Variants in DNAJC3 observed in about 807,000 individuals in gnomAD.
The protein encoded by DNAJC3 is DnaJ heat shock protein family (Hsp40) member C3, also known as dnaJ homolog subfamily C member 3.
A neutral mutation model predicts 68.6 loss-of-function variants in DNAJC3; 38 were observed. The observed-to-expected ratio is 0.55, with a 90% CI of 0.43 to 0.73. The LOEUF is 0.73. Among genes scored for constraint, DNAJC3 ranks in the 30% least tolerant of loss-of-function variants. The probability of loss-of-function intolerance (pLI) is 0.00; values close to 1 mark genes in which losing one functional copy is unlikely to be tolerated. For missense variants in DNAJC3, 526 were observed against 591.9 expected (o/e 0.89, Z 1.16); for synonymous variants, 203 against 204.0 (o/e 1.00, Z 0.04).
At chr13:95,743,712 C>G (rs1882218998) in intron 4 of DNAJC3, among the ~76,000 whole-genome samples, 1 of 152,076 alleles carries the variant, frequency 6.6e-6, no homozygotes, top group African/African-American at 2.4e-5. Context: ...TGCCCGCTAC[C>G]ACACCCAGCT....
intron 2 of DNAJC3, among the ~76,000 whole-genome samples, chr13:95,714,038 G>A (rs776087023): frequency 2.0e-5 from 3 of 152,262 alleles, no homozygotes; most frequent in African/African-American, 2.4e-5. Flanking sequence ...AACTTCTATC[G>A]TATGTACTCT....
intron 4 of DNAJC3, among the ~76,000 whole-genome samples, chr13:95,753,278 C>T (rs1882540400): frequency 6.6e-6 from 1 of 152,112 alleles, no homozygotes; most frequent in Non-Finnish European, 1.5e-5. Context: ...TCGCTCACCC[C>T]CTGACTTGTA....
chr13:95,749,085 C>T (rs1295852529), intron 4 of DNAJC3, among the ~76,000 whole-genome samples: 1 of 152,198 alleles, frequency 6.6e-6, no homozygotes. Flanking sequence ...AGAATAAATG[C>T]TGCCAATTAA....
Position 95,773,731 on chromosome 13 carries a change from C to CTTT in DNAJC3, c.1075+9800_1075+9802dup, listed in dbSNP as rs143145399. On this transcript the variant is annotated intron_variant, in intron 9 of 11. Transcript: ENST00000602402. Reference sequence around the variant, plus strand: ...ACAAAGTTTGGTCAATTTTGTTGGTCTTTTTTTTTTTTTTTTTTTTTTTTG... The same window carrying CTTT: ...ACAAAGTTTGGTCAATTTTGTTGGTCTTTTTTTTTTTTTTTTTTTTTTTTTTTG... Among the ~76,000 whole-genome samples the CTTT allele has an allele frequency of 3.1e-3, 219 of 71,316 alleles. 2 individuals carry two copies. The highest frequency in any genetic ancestry group is 5.3e-3 in the African/African-American group (93 of 17,442). The allele number at this position is 71,316 out of a possible 152,430, so 46.8% of individuals were successfully genotyped here.
intron 5 of DNAJC3, among the ~76,000 whole-genome samples, chr13:95,759,464 A>G (rs1424068944): frequency 1.3e-5 from 2 of 152,118 alleles, no homozygotes; most frequent in African/African-American, 2.4e-5. Context: ...GGTGTGTTCC[A>G]CCACACCCAG....
chr13:95,711,716 C>T (rs1009195273), intron 2 of DNAJC3, among the ~76,000 whole-genome samples: 3 of 151,836 alleles, frequency 2.0e-5, no homozygotes, highest in Non-Finnish European at 4.4e-5. Context: ...ATACATAAAA[C>T]AAAAATTGAC....
At position 95,760,048 on chromosome 13, in the gene DNAJC3, T is replaced by C. The variant is rs762360409; in HGVS notation, c.555T>C (p.Val185=). 18 of 1,597,474 alleles carry C rather than the reference T, an allele frequency of 1.1e-5. No homozygotes were observed. The South Asian group carries it at 1.9e-4, about 17-fold the overall frequency. Residue 185 remains valine (V), a synonymous_variant, in exon 6 of 12, where the codon GTT becomes GTC. Coordinates refer to ENST00000602402, the MANE Select transcript of DNAJC3 (RefSeq NM_006260.5). ...AFLDKILEVC[V]WDAELRELRA... ...TTCTTTTGTTCCTCAAGGTTTGTGTTTGGGATGCAGAACTACGGGAACTTC... is the reference window on the plus strand; with the variant it reads ...TTCTTTTGTTCCTCAAGGTTTGTGTCTGGGATGCAGAACTACGGGAACTTC...
chr13:95,721,154 C>T (rs1195251824), intron 2 of DNAJC3, among the ~76,000 whole-genome samples: 2 of 152,138 alleles, frequency 1.3e-5, no homozygotes, highest in African/African-American at 4.8e-5. Context: ...TGAAATCATA[C>T]AGTATTTTCC....
intron 1 of DNAJC3, among the ~76,000 whole-genome samples, chr13:95,678,393 A>G (rs1594764339): frequency 1.3e-5 from 2 of 152,236 alleles, no homozygotes; most frequent in Admixed American, 1.3e-4. Flanking sequence ...AGTACTCCCC[A>G]GTTTTTAGGT....
chr13:95,743,966 A>G (rs1160342109), intron 4 of DNAJC3, among the ~76,000 whole-genome samples: 1 of 152,162 alleles, frequency 6.6e-6, no homozygotes, highest in Admixed American at 6.5e-5. Flanking sequence ...GTCTTTCCAT[A>G]TACATTTTAG....
At chr13:95,725,680 T>A (rs957678622) in intron 4 of DNAJC3, among the ~76,000 whole-genome samples, 19 of 151,872 alleles carry the variant, frequency 1.3e-4, no homozygotes, top group African/African-American at 3.9e-4. Flanking sequence ...TCTTTTTTTT[T>A]ATTATTATTA....
intron 7 of DNAJC3, 138 bp from the exon 8 acceptor site, chr13:95,763,505 A>G: frequency 1.4e-6 from 1 of 709,324 alleles, no homozygotes; most frequent in Middle Eastern, 3.1e-4. Flanking sequence ...TAGATTAATA[A>G]GGGAAAAGCC....
intron 1 of DNAJC3, among the ~76,000 whole-genome samples, chr13:95,704,647 T>C (rs573443867): frequency 6.6e-5 from 10 of 152,222 alleles, no homozygotes; most frequent in Admixed American, 4.6e-4. Flanking sequence ...CAAATTCATA[T>C]CTGGAATATG....
At chr13:95,748,365 T>G (rs373782815) in intron 4 of DNAJC3, among the ~76,000 whole-genome samples, 14 of 152,222 alleles carry the variant, frequency 9.2e-5, no homozygotes, top group African/African-American at 3.1e-4. Context: ...TAAACTCTCC[T>G]TTGGTAGTCT....
At chr13:95,734,684 G>A (rs1007044474) in intron 4 of DNAJC3, among the ~76,000 whole-genome samples, 5 of 152,028 alleles carry the variant, frequency 3.3e-5, no homozygotes, top group Non-Finnish European at 5.9e-5. Context: ...ATGGAGTTCT[G>A]TGTGTCATGT....
chr13:95,754,479 C>T (rs1292460305), intron 4 of DNAJC3, among the ~76,000 whole-genome samples: 1 of 152,068 alleles, frequency 6.6e-6, no homozygotes, highest in Non-Finnish European at 1.5e-5. Context: ...AAACAATAGG[C>T]CTAGGTTCAT....
At chr13:95,730,135 G>A (rs1228421536) in intron 4 of DNAJC3, among the ~76,000 whole-genome samples, 1 of 152,046 alleles carries the variant, frequency 6.6e-6, no homozygotes, top group East Asian at 1.9e-4. Flanking sequence ...GAGACTACAT[G>A]TATGTATCAC....
At chr13:95,764,656 ATAT>A (rs1345024414) in intron 9 of DNAJC3, among the ~76,000 whole-genome samples, 1 of 112,440 alleles carries the variant, frequency 8.9e-6, no homozygotes, top group African/African-American at 4.0e-5. Context: ...ATATATATAT[ATAT>A]ATATATATAT....
chr13:95,773,763 A>C (rs1883226370), intron 9 of DNAJC3, among the ~76,000 whole-genome samples: 2 of 130,744 alleles, frequency 1.5e-5, no homozygotes, highest in Admixed American at 1.6e-4. Flanking sequence ...TTTGAGACAG[A>C]ATCTTGCTCT....
Sources: allele counts gnomAD v4.1 joint callset (sites outside exome capture counted in the v4.1 genomes callset), GRCh38; gene constraint gnomAD v4.1.1; transcripts MANE v1.5; gene names NCBI Gene and HGNC (gene_info 2026-07-23, HGNC 2026-07-21).